Variants in CSMD1 observed in about 807,000 individuals in gnomAD.
CSMD1 encodes the protein CUB and sushi domain-containing protein 1.
CSMD1 carries 213 observed loss-of-function variants against 417.5 expected under a neutral mutation model. The ratio of observed to expected loss-of-function variants is 0.51; its 90% CI spans 0.46 to 0.57. The LOEUF (loss-of-function observed/expected upper bound fraction) is 0.57, where lower values mean the gene tolerates loss of function less well. CSMD1 is among the 20% of genes least tolerant of loss of function. The pLI, the probability that CSMD1 is intolerant of heterozygous loss-of-function variation, is 0.00. For missense variants in CSMD1, 6,923 were observed against 4,529.7 expected, an observed-to-expected ratio of 1.53 and a Z score of -15.17; for synonymous variants, 2,862 against 1,736.8, an observed-to-expected ratio of 1.65 and a Z score of -16.11.
chr8:4,503,100 T>A (rs955022762), intron 2 of CSMD1, among the ~76,000 whole-genome samples: 2 of 152,192 alleles, frequency 1.3e-5, no homozygotes, highest in Non-Finnish European at 2.9e-5. Flanking sequence ...GAACTGTGAA[T>A]TTGAATCTTA....
chr8:3,860,248 A>C (rs1264812032), intron 5 of CSMD1, among the ~76,000 whole-genome samples: 3 of 152,178 alleles, frequency 2.0e-5, no homozygotes, highest in African/African-American at 7.2e-5. Flanking sequence ...ACTCTGTTTC[A>C]GTCAGACCAT....
At chr8:3,967,675 G>C (rs113762563) in intron 5 of CSMD1, among the ~76,000 whole-genome samples, 1 of 151,974 alleles carries the variant, frequency 6.6e-6, no homozygotes, top group Non-Finnish European at 1.5e-5. Context: ...TTGTCAATAC[G>C]TGCTGGGGTG....
chr8:4,422,363 C>G (rs1017959723), intron 2 of CSMD1, among the ~76,000 whole-genome samples: 9 of 152,144 alleles, frequency 5.9e-5, no homozygotes, highest in Non-Finnish European at 7.4e-5. Flanking sequence ...AGCCCCAACC[C>G]CCAACATAAC....
chr8:4,077,644 C>A (rs1312697551), intron 3 of CSMD1, among the ~76,000 whole-genome samples: 1 of 152,038 alleles, frequency 6.6e-6, no homozygotes, highest in Non-Finnish European at 1.5e-5. Flanking sequence ...ACCCGGGTGA[C>A]AAAAGGGAGG....
chr8:3,677,669 T>C (rs936479986), intron 7 of CSMD1, among the ~76,000 whole-genome samples: 1 of 152,182 alleles, frequency 6.6e-6, no homozygotes, highest in Non-Finnish European at 1.5e-5. Context: ...ATCTATCCTT[T>C]AGGGCTCTTT....
At chr8:3,781,879 T>G (rs929677690) in intron 5 of CSMD1, among the ~76,000 whole-genome samples, 4 of 152,244 alleles carry the variant, frequency 2.6e-5, no homozygotes, top group Non-Finnish European at 5.9e-5. Flanking sequence ...GCTATTTTTT[T>G]TCACTTAAAT....
chr8:3,683,500 C>T (rs1799777897), intron 7 of CSMD1, among the ~76,000 whole-genome samples: 1 of 152,162 alleles, frequency 6.6e-6, no homozygotes, highest in Non-Finnish European at 1.5e-5. Flanking sequence ...TGTCAGCCCT[C>T]CTCTCACTTG....
intron 3 of CSMD1, among the ~76,000 whole-genome samples, chr8:4,173,942 G>C (rs1319331778): frequency 6.6e-6 from 1 of 152,012 alleles, no homozygotes; most frequent in Non-Finnish European, 1.5e-5. Flanking sequence ...TCTTCCCTCA[G>C]CCTTGAAACA....
At chr8:3,040,020 G>A (rs1392015595) in intron 50 of CSMD1, among the ~76,000 whole-genome samples, 4 of 152,158 alleles carry the variant, frequency 2.6e-5, no homozygotes, top group Non-Finnish European at 5.9e-5. Context: ...TCCAACCTCA[G>A]AGATGTCCTT....
chr8:4,730,300 A>G (rs1232811794), intron 1 of CSMD1, among the ~76,000 whole-genome samples: 3 of 152,208 alleles, frequency 2.0e-5, no homozygotes, highest in African/African-American at 7.2e-5. Flanking sequence ...CAGTTCATTA[A>G]TCAAAGACAA....
chr8:4,388,188 G>A (rs941932772), intron 3 of CSMD1, among the ~76,000 whole-genome samples: 7 of 152,074 alleles, frequency 4.6e-5, no homozygotes, highest in South Asian at 2.1e-4. Context: ...CAGAGGAAAA[G>A]AAGTCATTAT....
In CSMD1 at chr8:4,802,346, T is replaced by C. The variant is rs200928677; in HGVS notation, c.86-164788A>G. 5.7e-4 allele frequency among the ~76,000 whole-genome samples: 78 copies of C among 137,576 alleles called. 1 individual carries two copies. Among genetic ancestry groups the C allele is most frequent in the South Asian group, 3.5e-3 (16 of 4,582 alleles). The allele number at this position is 137,576 out of a possible 152,430, so 90.3% of individuals were successfully genotyped here. A position where few individuals can be genotyped will look rare whatever the true frequency, so the allele number is the denominator to read the frequency against. The stretch of plus-strand genomic sequence containing the variant: ...ACTAGGAACAAGCAAAATGAGTGTG[T>C]GCGCGCGTGTGTGTGTGTGTGTGTG... On this transcript the variant is annotated intron_variant, in intron 1 of 69. Coordinates refer to ENST00000635120, the MANE Select transcript of CSMD1 (RefSeq NM_033225.6).
chr8:4,070,457 A>C (rs918970567), intron 3 of CSMD1, among the ~76,000 whole-genome samples: 2 of 152,156 alleles, frequency 1.3e-5, no homozygotes, highest in Admixed American at 6.5e-5. Context: ...TCCCGGGTTC[A>C]CACCATTCTC....
At chr8:3,651,050 A>G (rs891668216) in intron 7 of CSMD1, among the ~76,000 whole-genome samples, 4 of 152,168 alleles carry the variant, frequency 2.6e-5, no homozygotes, top group African/African-American at 9.7e-5. Context: ...CTTACCCACC[A>G]GAATATCCCA....
intron 3 of CSMD1, among the ~76,000 whole-genome samples, chr8:4,175,999 C>T (rs960140890): frequency 9.2e-5 from 14 of 152,114 alleles, no homozygotes; most frequent in African/African-American, 3.4e-4. Context: ...CCTTGAGAGG[C>T]TAGCCCAGGC....
At chr8:4,705,082 G>C (rs947834028) in intron 1 of CSMD1, among the ~76,000 whole-genome samples, 11 of 152,068 alleles carry the variant, frequency 7.2e-5, no homozygotes, top group African/African-American at 2.7e-4. Flanking sequence ...AGATATGATG[G>C]TTTTATAAGT....
intron 1 of CSMD1, among the ~76,000 whole-genome samples, chr8:4,769,045 T>C (rs1418344122): frequency 6.6e-6 from 1 of 152,282 alleles, no homozygotes; most frequent in Admixed American, 6.5e-5. Context: ...TCTCGGGGAA[T>C]ATCATTTAGA....
intron 13 of CSMD1, among the ~76,000 whole-genome samples, chr8:3,409,093 G>A (rs763999331): frequency 2.3e-4 from 35 of 152,114 alleles, no homozygotes; most frequent in Non-Finnish European, 4.3e-4. Context: ...AGTCACAAAG[G>A]ACTCTGTTGC....
At chr8:4,702,169 C>T (rs1039225744) in intron 1 of CSMD1, among the ~76,000 whole-genome samples, 3 of 152,126 alleles carry the variant, frequency 2.0e-5, no homozygotes, top group Non-Finnish European at 4.4e-5. Flanking sequence ...GGGCTTAATA[C>T]CTAGGTGATG....
Sources: allele counts gnomAD v4.1 joint callset (sites outside exome capture counted in the v4.1 genomes callset), GRCh38; gene constraint gnomAD v4.1.1; transcripts MANE v1.5; gene names NCBI Gene and HGNC (gene_info 2026-07-23, HGNC 2026-07-21).